Variants in CDC14B observed in about 807,000 individuals in gnomAD.
CDC14B encodes cell division cycle 14B.
CDC14B carries 22 observed loss-of-function variants against 64.2 expected under a neutral mutation model. The ratio of observed to expected loss-of-function variants is 0.34; its 90% CI spans 0.24 to 0.49. The LOEUF (loss-of-function observed/expected upper bound fraction) is 0.49, where lower values mean the gene tolerates loss of function less well. Ranked by LOEUF, CDC14B falls within the 20% of genes least tolerant of loss-of-function variation. The pLI is 0.99. For synonymous variants in CDC14B, 191 were observed against 215.8 expected (o/e 0.89, Z 1.01); for missense variants, 498 against 629.9 (o/e 0.79, Z 2.24).
At chr9:96,609,047 A>G (rs1218532134) in intron 1 of CDC14B, among the ~76,000 whole-genome samples, 3 of 152,262 alleles carry the variant, frequency 2.0e-5, no homozygotes, top group East Asian at 3.9e-4. Flanking sequence ...ATCTCTGCTC[A>G]CTGCAACCTC....
At chr9:96,611,378 C>G (rs1019329318) in intron 1 of CDC14B, among the ~76,000 whole-genome samples, 1 of 152,248 alleles carries the variant, frequency 6.6e-6, no homozygotes, top group Non-Finnish European at 1.5e-5. Flanking sequence ...CTAATACAAT[C>G]TCTTCCATAT....
At chr9:96,588,547 C>T (rs1023060936) in intron 1 of CDC14B, among the ~76,000 whole-genome samples, 3 of 152,138 alleles carry the variant, frequency 2.0e-5, no homozygotes, top group African/African-American at 4.8e-5. Flanking sequence ...AGCGCAGTGG[C>T]GTAATCAAGG....
chr9:96,612,495 C>T (rs1378523105), intron 1 of CDC14B, among the ~76,000 whole-genome samples: 2 of 152,162 alleles, frequency 1.3e-5, no homozygotes, highest in Admixed American at 6.5e-5. Flanking sequence ...ATGAAAGCAT[C>T]GAGGCTCCAA....
intron 1 of CDC14B, among the ~76,000 whole-genome samples, chr9:96,613,856 A>G (rs2119052761): frequency 6.6e-6 from 1 of 152,352 alleles, no homozygotes; most frequent in East Asian, 1.9e-4. Flanking sequence ...CACTGCAATG[A>G]ATATGCATGA....
chr9:96,573,652 A>G (rs1211320236), intron 1 of CDC14B, among the ~76,000 whole-genome samples: 2 of 152,262 alleles, frequency 1.3e-5, no homozygotes, highest in Non-Finnish European at 2.9e-5. Flanking sequence ...TAAAGGAATT[A>G]AATGTAATAA....
chr9:96,603,177 C>CAT (rs1846622151), intron 1 of CDC14B, among the ~76,000 whole-genome samples: 1 of 151,822 alleles, frequency 6.6e-6, no homozygotes, highest in African/African-American at 2.4e-5. Flanking sequence ...CACACACACA[C>CAT]ACACACACAC....
At chr9:96,504,303 CCTG>C (rs764149526) in intron 13 of CDC14B, among the ~76,000 whole-genome samples, 15 of 152,118 alleles carry the variant, frequency 9.9e-5, no homozygotes, top group Non-Finnish European at 2.2e-4. Flanking sequence ...CCACGGGCTA[CCTG>C]CCTCCGCACT....
At chr9:96,557,497 G>A (rs1587957675) in intron 4 of CDC14B, among the ~76,000 whole-genome samples, 1 of 152,282 alleles carries the variant, frequency 6.6e-6, no homozygotes, top group East Asian at 1.9e-4. Flanking sequence ...TGCAGGCACT[G>A]GCTATTCTGA....
intron 5 of CDC14B, among the ~76,000 whole-genome samples, chr9:96,545,937 T>C (rs1273139072): frequency 6.6e-6 from 1 of 152,184 alleles, no homozygotes; most frequent in African/African-American, 2.4e-5. Context: ...CTTCTTCCAA[T>C]AGGCAGAACA....
intron 1 of CDC14B, among the ~76,000 whole-genome samples, chr9:96,605,291 C>A (rs962945588): frequency 5.3e-5 from 8 of 152,162 alleles, no homozygotes; most frequent in African/African-American, 1.9e-4. Context: ...ACCACTATTT[C>A]TTTCAGGGCT....
downstream of CDC14B, among the ~76,000 whole-genome samples, chr9:96,495,338 G>C (rs1587697015): frequency 6.6e-6 from 1 of 152,122 alleles, no homozygotes; most frequent in Admixed American, 6.5e-5. Flanking sequence ...ACCCTGCAAA[G>C]GGACTGAGGG....
chr9:96,577,250 CAAAA>C (rs750429617), intron 1 of CDC14B, among the ~76,000 whole-genome samples: 1 of 82,668 alleles, frequency 1.2e-5, no homozygotes, highest in African/African-American at 3.2e-5. Flanking sequence ...GACTCCATCT[CAAAA>C]AAAAAAAAAA....
At chr9:96,567,426 C>A (rs763794260) in intron 1 of CDC14B, among the ~76,000 whole-genome samples, 1 of 152,252 alleles carries the variant, frequency 6.6e-6, no homozygotes, top group African/African-American at 2.4e-5. Context: ...TCTGCCAAGA[C>A]CCGCCAAGTG....
chr9:96,543,031 C>T (rs890777259), intron 5 of CDC14B, among the ~76,000 whole-genome samples: 5 of 151,224 alleles, frequency 3.3e-5, no homozygotes, highest in African/African-American at 1.2e-4. Flanking sequence ...CAAAAAACAA[C>T]AAGCCCAAAA....
In CDC14B at chr9:96,523,574, G is replaced by T. The variant is rs768519655; in HGVS notation, c.1085+13C>A. The T allele has an allele frequency of 6.2e-7, 1 of 1,614,110 alleles. No individual in the cohort carries two copies. Among genetic ancestry groups the T allele is most frequent in the East Asian group, 2.2e-5 (1 of 44,878 alleles). ...ATGTTCCCTGGGAACTACAGACGTA[G>T]GCTACTACTTACATCACCAAAAACT... On this transcript the variant is annotated intron_variant, in intron 10 of 13. Transcript: ENST00000375241.
chr9:96,603,295 T>C (rs1268809687), intron 1 of CDC14B, among the ~76,000 whole-genome samples: 3 of 152,170 alleles, frequency 2.0e-5, no homozygotes, highest in African/African-American at 7.2e-5. Flanking sequence ...TGTTTACTCT[T>C]TTGTTATCTT....
chr9:96,518,255 G>A (rs554960993), intron 12 of CDC14B, among the ~76,000 whole-genome samples: 71 of 152,156 alleles, frequency 4.7e-4, no homozygotes, highest in Non-Finnish European at 8.5e-4. Context: ...AGTGGCTCAC[G>A]CCTGTAATCC....
At chr9:96,619,189 G>A in intron 1 of CDC14B, 30 bp downstream of exon 1, 1 of 1,241,454 alleles carries the variant, frequency 8.1e-7, no homozygotes, top group Non-Finnish European at 1.0e-6. Flanking sequence ...GGCCGTCCGG[G>A]GCCCTCCGCG....
intron 1 of CDC14B, among the ~76,000 whole-genome samples, chr9:96,601,867 G>A (rs149126302): frequency 4.5e-4 from 68 of 149,872 alleles, no homozygotes; most frequent in African/African-American, 1.6e-3. Flanking sequence ...AGACCATCCT[G>A]GCTAACACAG....
Sources: allele counts gnomAD v4.1 joint callset (sites outside exome capture counted in the v4.1 genomes callset), GRCh38; gene constraint gnomAD v4.1.1; transcripts MANE v1.5; gene names NCBI Gene and HGNC (gene_info 2026-07-23, HGNC 2026-07-21).